STX3: variants seen among roughly 807,000 people sequenced by gnomAD.
The protein encoded by STX3 is syntaxin 3, also known as syntaxin-3.
Under a neutral mutation model 40.2 loss-of-function variants are expected in STX3, and 19 were observed. The ratio of observed to expected loss-of-function variants is 0.47; its 90% CI spans 0.33 to 0.69. The LOEUF is 0.69. Ranked by LOEUF, STX3 falls within the 30% of genes least tolerant of loss-of-function variation. The pLI is 0.02. For missense variants in STX3, 364 were observed against 366.7 expected, an observed-to-expected ratio of 0.99 and a Z score of 0.06; for synonymous variants, 122 against 132.2, an observed-to-expected ratio of 0.92 and a Z score of 0.53.
chr11:59,801,157 T>C lies in STX3; in HGVS notation c.*333T>C. On this transcript the variant is annotated 3_prime_UTR_variant, in exon 11 of 11. Transcript: ENST00000337979. ...GATTATGCCTTGCACTTGGGAAAGC[T>C]CTTGTGAGACTCTCCCAAGGTGCTG... The C allele has an allele frequency of 7.8e-7, 1 of 1,288,156 alleles. No individual in the cohort carries two copies. 79.8% of individuals were successfully genotyped at this position (1,288,156 alleles called of 1,614,324 possible).
chr11:59,781,700 C>T, intron 2 of STX3: 9 of 1,598,236 alleles, frequency 5.6e-6, no homozygotes, highest in South Asian at 3.4e-5. Flanking sequence ...ATCTTCCTTC[C>T]AGCTGCTGAA....
chr11:59,766,868 A>G (rs1195943107), intron 1 of STX3, among the ~76,000 whole-genome samples: 1 of 152,182 alleles, frequency 6.6e-6, no homozygotes, highest in Non-Finnish European at 1.5e-5. Context: ...CATGTTCTCA[A>G]CTACATACTG....
chr11:59,802,351 T>A lies in STX3; in HGVS notation c.*1527T>A. 1 of 985,532 alleles carries A rather than the reference T, an allele frequency of 1.0e-6. No homozygotes were observed. Among genetic ancestry groups the A allele is most frequent in the Non-Finnish European group, 1.2e-6 (1 of 829,966 alleles). 61.0% of individuals were successfully genotyped at this position (985,532 alleles called of 1,614,324 possible). On this transcript the variant is annotated 3_prime_UTR_variant, in exon 11 of 11. Coordinates refer to ENST00000337979, the MANE Select transcript of STX3 (RefSeq NM_004177.5). ...AGTCTCCTTGATTTTGGGTACCATG[T>A]ATATTTTCCGCTTTGACTTTAACGC...
Position 59,801,782 on chromosome 11 carries a change from C to G in STX3, c.*958C>G, listed in dbSNP as rs1865896600. On this transcript the variant is annotated 3_prime_UTR_variant, in exon 11 of 11. Transcript: ENST00000337979. ...TGTATGTACACATAAGTGTGTGTGT[C>G]TCAGGAAGTAGGAAATAAAAATGGA... The G allele has an allele frequency of 1.0e-6, 1 of 984,840 alleles. No homozygotes were observed. The highest frequency in any genetic ancestry group is 1.2e-6 in the Non-Finnish European group (1 of 829,842). 61.0% of individuals were successfully genotyped at this position (984,840 alleles called of 1,614,324 possible).
chr11:59,787,800 C>T (rs755929861), intron 3 of STX3, among the ~76,000 whole-genome samples: 2 of 152,164 alleles, frequency 1.3e-5, no homozygotes, highest in African/African-American at 2.4e-5. Flanking sequence ...CAAAAAAATC[C>T]GTGCGTTCCA....
chr11:59,778,831 CTTTTTTTTTT>C (rs112512362), intron 2 of STX3, among the ~76,000 whole-genome samples: 30 of 125,778 alleles, frequency 2.4e-4, no homozygotes, highest in East Asian at 2.0e-3. Flanking sequence ...TTTTCTTTTC[CTTTTTTTTTT>C]TTTTTTTTTG....
At position 59,773,742 on chromosome 11, in the gene STX3, G is replaced by A. The variant is rs144010072; in HGVS notation, c.114+448G>A. 8.5e-3 allele frequency among the ~76,000 whole-genome samples: 1,289 copies of A among 152,256 alleles called. 16 individuals are homozygous for A. The highest frequency in any genetic ancestry group is 0.012 in the Non-Finnish European group (792 of 68,016). On this transcript the variant is annotated intron_variant, in intron 2 of 10. Coordinates refer to ENST00000337979, the MANE Select transcript of STX3 (RefSeq NM_004177.5). ...CACCTGTAAGCCCAGCACTTTGGGA[G>A]GCCAAGGCAGGTGGATCACTTGAGG...
In STX3 at chr11:59,802,725, G is replaced by A. The variant is rs79797606; in HGVS notation, c.*1901G>A. ...TGTGAAACGGTTCTGGCTCTGTCTC[G>A]ATGCAGAAACACAATGATCTGGTGC... On this transcript the variant is annotated 3_prime_UTR_variant, in exon 11 of 11. Coordinates refer to ENST00000337979, the MANE Select transcript of STX3 (RefSeq NM_004177.5). 3 of 985,824 alleles carry A rather than the reference G, an allele frequency of 3.0e-6. No individual in the cohort carries two copies. Among genetic ancestry groups the A allele is most frequent in the South Asian group, 9.4e-5 (2 of 21,292 alleles). 61.1% of individuals were successfully genotyped at this position (985,824 alleles called of 1,614,324 possible).
intron 1 of STX3, among the ~76,000 whole-genome samples, chr11:59,763,234 G>A (rs989153735): frequency 5.9e-5 from 9 of 152,104 alleles, no homozygotes; most frequent in African/African-American, 2.2e-4. Flanking sequence ...AGTGAACATT[G>A]GATTAGACCA....
chr11:59,758,019 A>G (rs1862821776), intron 1 of STX3, among the ~76,000 whole-genome samples: 1 of 152,154 alleles, frequency 6.6e-6, no homozygotes, highest in Non-Finnish European at 1.5e-5. Flanking sequence ...TGAGCAGCCT[A>G]TGCAATCTCT....
At chr11:59,799,352 A>G (rs1865738155) in intron 10 of STX3, among the ~76,000 whole-genome samples, 1 of 152,240 alleles carries the variant, frequency 6.6e-6, no homozygotes, top group Non-Finnish European at 1.5e-5. Context: ...TTCAGACTAT[A>G]TTATCCAGTT....
intron 1 of STX3, among the ~76,000 whole-genome samples, chr11:59,756,772 G>C (rs1862737867): frequency 6.6e-6 from 1 of 152,200 alleles, no homozygotes; most frequent in South Asian, 2.1e-4. Context: ...TTGTAAGGTC[G>C]AAATGCAACA....
chr11:59,801,458 TTC>T lies in STX3; in HGVS notation c.*638_*639del, dbSNP rs756366800. The T allele has an allele frequency of 2.4e-5, 24 of 986,474 alleles. No individual in the cohort carries two copies. The highest frequency in any genetic ancestry group is 2.8e-5 in the Non-Finnish European group (23 of 830,678). The allele number at this position is 986,474 out of a possible 1,614,324, so 61.1% of individuals were successfully genotyped here. ...TCAGCTTGGGGGGCAACTTTGATTT[TTC>T]TCTGTGTTGTAGTCTCTCATATTTA... On this transcript the variant is annotated 3_prime_UTR_variant, in exon 11 of 11. Transcript: ENST00000337979.
chr11:59,775,924 G>GAATTAA (rs1863941455), intron 2 of STX3, among the ~76,000 whole-genome samples: 1 of 152,206 alleles, frequency 6.6e-6, no homozygotes, highest in Non-Finnish European at 1.5e-5. Flanking sequence ...CATGATCTTT[G>GAATTAA]AATTAAATTC....
intron 2 of STX3, among the ~76,000 whole-genome samples, chr11:59,785,022 T>C (rs988293663): frequency 6.6e-6 from 1 of 152,244 alleles, no homozygotes; most frequent in African/African-American, 2.4e-5. Flanking sequence ...CTATGTGACC[T>C]ATAATTTCTT....
chr11:59,801,539 C>A lies in STX3; in HGVS notation c.*715C>A. 1.0e-6 allele frequency: 1 copy of A among 985,444 alleles called. No individual in the cohort carries two copies. Among genetic ancestry groups the A allele is most frequent in the Non-Finnish European group, 1.2e-6 (1 of 829,942 alleles). 61.0% of individuals were successfully genotyped at this position (985,444 alleles called of 1,614,324 possible). ...ATCTGAGGTTATGCTTTGCAAAAGG[C>A]TGACGGTATGGAATATGTTTCCATG... On this transcript the variant is annotated 3_prime_UTR_variant, in exon 11 of 11. Transcript: ENST00000337979.
rs1054215710 is a variant in STX3, at chr11:59,773,132, C to A, written c.31-79C>A. Reference sequence around the variant, plus strand: ...ATGTGTAAAATGCTGAATATAGTTCCTAGTACTTCGTGAGCATTCAATAAT... The same window carrying A: ...ATGTGTAAAATGCTGAATATAGTTCATAGTACTTCGTGAGCATTCAATAAT... On this transcript the variant is annotated intron_variant, in intron 1 of 10. Coordinates refer to ENST00000337979, the MANE Select transcript of STX3 (RefSeq NM_004177.5). 1.0e-5 allele frequency: 14 copies of A among 1,365,022 alleles called. No individual in the cohort carries two copies. The African/African-American group carries it at 1.9e-4, about 18-fold the overall frequency. 84.6% of individuals were successfully genotyped at this position (1,365,022 alleles called of 1,614,324 possible).
At position 59,804,545 on chromosome 11, in the gene STX3, G is replaced by C. The variant is rs1866007933; in HGVS notation, c.*3721G>C. On this transcript the variant is annotated 3_prime_UTR_variant, in exon 11 of 11. Coordinates refer to ENST00000337979, the MANE Select transcript of STX3 (RefSeq NM_004177.5). ...TCAGAGGCTGTGTAAAGCCGCTTGG[G>C]AATGGGCTGATCTGCTTATGCAAAA... The C allele has an allele frequency of 6.6e-6, 1 of 152,190 alleles. No homozygotes were observed. Among genetic ancestry groups the C allele is most frequent in the African/African-American group, 2.4e-5 (1 of 41,444 alleles). 9.4% of individuals were successfully genotyped at this position (152,190 alleles called of 1,614,324 possible). A position where few individuals can be genotyped will look rare whatever the true frequency, so the allele number is the denominator to read the frequency against.
rs993736788 is a variant in STX3 at position 59,803,306 on chromosome 11, C to T, written c.*2482C>T. ...AGCATATTTGCCTGAAAAAGGTGAGCCATCTGTGGGGAGGGTCAGACCTTC... is the reference window on the plus strand; with the variant it reads ...AGCATATTTGCCTGAAAAAGGTGAGTCATCTGTGGGGAGGGTCAGACCTTC... On this transcript the variant is annotated 3_prime_UTR_variant, in exon 11 of 11. Transcript: ENST00000337979. 9.8e-6 allele frequency: 12 copies of T among 1,230,520 alleles called. No homozygotes were observed. The Admixed American group carries it at 1.3e-4, about 13-fold the overall frequency. The allele number at this position is 1,230,520 out of a possible 1,614,324, so 76.2% of individuals were successfully genotyped here.
Sources: gnomAD v4.1 joint callset for allele counts (sites outside exome capture counted in the v4.1 genomes callset) on GRCh38, gnomAD v4.1.1 for gene constraint, MANE v1.5 for transcripts, NCBI Gene and HGNC (gene_info 2026-07-23, HGNC 2026-07-21) for gene names.